The following ABCG1 variants were observed in gnomAD, a reference collection of about 807,000 sequenced individuals.
ABCG1 encodes the protein ATP-binding cassette sub-family G member 1.
Under a neutral mutation model 69.2 loss-of-function variants are expected in ABCG1, and 29 were observed. The observed-to-expected ratio is 0.42, with a 90% CI of 0.31 to 0.57. ABCG1 has a LOEUF of 0.57. ABCG1 is among the 20% of genes least tolerant of loss of function. ABCG1 has a pLI of 0.15. For missense variants in ABCG1, 718 were observed against 898.1 expected (o/e 0.80, Z 2.56); for synonymous variants, 370 against 374.8 (o/e 0.99, Z 0.15).
chr21:42,209,740 G>A (rs2067571627), intron 2 of ABCG1, among the ~76,000 whole-genome samples: 2 of 152,236 alleles, frequency 1.3e-5, no homozygotes, highest in East Asian at 3.8e-4. Flanking sequence ...GTGAGCACCA[G>A]CATTTATAAG....
rs560207342 is a variant in ABCG1, at chr21:42,296,106, G to C, written c.1773-58G>C. On this transcript the variant is annotated intron_variant, in intron 14 of 14. Coordinates refer to ENST00000398449, the MANE Select transcript of ABCG1 (RefSeq NM_016818.3). This position sits in a 1 kb window ranked among gnomAD's most constrained non-coding sequence, Gnocchi z 5.4. ...GGAGGGTGAACGACATTGACCTTCA[G>C]CCAACGGCGTGGCTGGCTGGGAGAA... The C allele has an allele frequency of 2.5e-4, 372 of 1,492,780 alleles. 5 individuals carry two copies. In the South Asian group the frequency reaches 3.9e-3, roughly 16 times the overall value. 92.5% of individuals were successfully genotyped at this position (1,492,780 alleles called of 1,614,324 possible). A position where few individuals can be genotyped will look rare whatever the true frequency, so the allele number is the denominator to read the frequency against.
chr21:42,290,859 T>C (rs1258940499), intron 11 of ABCG1, among the ~76,000 whole-genome samples: 2 of 152,214 alleles, frequency 1.3e-5, no homozygotes, highest in Admixed American at 6.5e-5. Flanking sequence ...GATGATGCTT[T>C]GTATTCACAG....
chr21:42,277,076 G>T, intron 5 of ABCG1, 131 bp downstream of exon 5: 1 of 947,694 alleles, frequency 1.1e-6, no homozygotes, highest in Non-Finnish European at 1.7e-6. Context: ...TTCCGTGTGT[G>T]GGACAGGCAA....
intron 2 of ABCG1, among the ~76,000 whole-genome samples, chr21:42,230,726 C>G (rs1441040716): frequency 6.6e-6 from 1 of 152,182 alleles, no homozygotes; most frequent in Non-Finnish European, 1.5e-5. Flanking sequence ...TGCTTGGGTA[C>G]TCGTACACTG....
intron 2 of ABCG1, among the ~76,000 whole-genome samples, chr21:42,248,494 T>G (rs2068167931): frequency 6.6e-6 from 1 of 152,204 alleles, no homozygotes; most frequent in Non-Finnish European, 1.5e-5. Flanking sequence ...GCACCCTCTG[T>G]GGCCCAGCAT....
At chr21:42,228,834 C>T (rs553517319) in intron 2 of ABCG1, among the ~76,000 whole-genome samples, 2 of 152,360 alleles carry the variant, frequency 1.3e-5, no homozygotes, top group African/African-American at 4.8e-5. Flanking sequence ...TGTCCCAACA[C>T]CAGCCTGTTC....
chr21:42,243,511 T>C (rs2068086213), intron 2 of ABCG1, among the ~76,000 whole-genome samples: 1 of 150,700 alleles, frequency 6.6e-6, no homozygotes, highest in Non-Finnish European at 1.5e-5. Flanking sequence ...TAATATCACC[T>C]GGGCGGGATA....
At chr21:42,262,865 A>G (rs891003939) in intron 2 of ABCG1, among the ~76,000 whole-genome samples, 10 of 152,252 alleles carry the variant, frequency 6.6e-5, no homozygotes, top group Non-Finnish European at 1.2e-4. Flanking sequence ...GCGGAGTGAC[A>G]GGAGCAAGGC....
At position 42,229,719 on chromosome 21, in the gene ABCG1, C is replaced by CA. The variant is rs111626580; in HGVS notation, c.286+3815dup. ...CAGGTGACAGTGTGAGACTCTGTCT[C>CA]AAAAAAAAAACACAAAAACAAAAGA... On this transcript the variant is annotated intron_variant, in intron 2 of 14. Transcript: ENST00000398449. Among the ~76,000 whole-genome samples, 566 of 143,652 alleles carry CA rather than the reference C, an allele frequency of 3.9e-3. 1 individual carries two copies. The highest frequency in any genetic ancestry group is 5.2e-3 in the Admixed American group (74 of 14,328). 94.2% of individuals were successfully genotyped at this position (143,652 alleles called of 152,430 possible).
rs4148113 is a variant in ABCG1 at position 42,230,940 on chromosome 21, G to A, written c.286+5026G>A. ...CAGAACCAGGTCTGTGGGATTTCAGGCCAAAAAGGAGCGTAGCAAGTGCTT... is the reference window on the plus strand; with the variant it reads ...CAGAACCAGGTCTGTGGGATTTCAGACCAAAAAGGAGCGTAGCAAGTGCTT... On this transcript the variant is annotated intron_variant, in intron 2 of 14. Transcript: ENST00000398449. Among the ~76,000 whole-genome samples the A allele has an allele frequency of 2.0e-3, 310 of 152,320 alleles. 5 individuals are homozygous for A. In the East Asian group the frequency reaches 0.026, roughly 13 times the overall value.
rs1001858400 is a variant in ABCG1 at position 42,238,573 on chromosome 21, C to T, written c.286+12659C>T. Among the ~76,000 whole-genome samples the T allele has an allele frequency of 2.6e-5, 4 of 152,186 alleles. No homozygotes were observed. In the South Asian group the frequency reaches 6.2e-4, roughly 24 times the overall value. ...CAAGTACTTTCAGATCGCTGGATGA[C>T]AAGCTTTGCATCTTTGAACTATTTA... On this transcript the variant is annotated intron_variant, in intron 2 of 14. Coordinates refer to ENST00000398449, the MANE Select transcript of ABCG1 (RefSeq NM_016818.3).
chr21:42,231,649 GTGCTAGTGACT>G (rs1213197002), intron 2 of ABCG1, among the ~76,000 whole-genome samples: 1 of 152,246 alleles, frequency 6.6e-6, no homozygotes, highest in African/African-American at 2.4e-5. Context: ...TTCCAACCAA[GTGCTAGTGACT>G]TGATCCAACC....
intron 5 of ABCG1, among the ~76,000 whole-genome samples, chr21:42,278,425 G>A (rs1008265545): frequency 5.9e-5 from 9 of 152,352 alleles, no homozygotes; most frequent in Admixed American, 6.5e-5. Flanking sequence ...AGAAATGGCT[G>A]TATTTGAAGA....
At chr21:42,245,097 G>T (rs1489787878) in intron 2 of ABCG1, among the ~76,000 whole-genome samples, 1 of 152,188 alleles carries the variant, frequency 6.6e-6, no homozygotes, top group African/African-American at 2.4e-5. Context: ...GAGGAGTGGT[G>T]TTTGCCAGAC....
Position 42,296,980 on chromosome 21 carries a change from T to G in ABCG1, c.*588T>G, listed in dbSNP as rs1201222997. 1 of 160,004 alleles carries G rather than the reference T, an allele frequency of 6.2e-6. No individual in the cohort carries two copies. Among genetic ancestry groups the G allele is most frequent in the Non-Finnish European group, 1.4e-5 (1 of 71,620 alleles). The allele number at this position is 160,004 out of a possible 1,614,324, so 9.9% of individuals were successfully genotyped here. A position where few individuals can be genotyped will look rare whatever the true frequency, so the allele number is the denominator to read the frequency against. On this transcript the variant is annotated 3_prime_UTR_variant, in exon 15 of 15. Coordinates refer to ENST00000398449, the MANE Select transcript of ABCG1 (RefSeq NM_016818.3). The surrounding 1 kb of genome is among the most constrained non-coding windows in gnomAD (Gnocchi z 5.4). ...TTTTTAGTACTTGCTGAAGAATGAT[T>G]CAGGGTAAATCACATACTTTGTTTA...
chr21:42,285,916 G>T lies in ABCG1; in HGVS notation c.895G>T (p.Gly299Ter). Residue 299 changes from glycine to a stop codon, truncating the protein, a stop_gained, in exon 8 of 15, where the codon GGA becomes TGA. Transcript: ENST00000398449. LOFTEE classifies it high-confidence loss of function. ...GAGTCAAGGACAATGTGTGTACCGG[G>T]GAAAAGTCTGCAATCTTGTGCCATA... ...VLSQGQCVYRGKVCNLVPYLR... is the reference protein window; with the variant it reads ...VLSQGQCVYR The T allele has an allele frequency of 6.2e-7, 1 of 1,614,034 alleles. No homozygotes were observed. The highest frequency in any genetic ancestry group is 8.5e-7 in the Non-Finnish European group (1 of 1,179,996).
chr21:42,244,295 C>G (rs925971854), intron 2 of ABCG1, among the ~76,000 whole-genome samples: 2 of 152,156 alleles, frequency 1.3e-5, no homozygotes, highest in Non-Finnish European at 2.9e-5. Context: ...CCCTGAACTT[C>G]CTTCGTCCCC....
chr21:42,219,227 CG>C lies in ABCG1; in HGVS notation c.-35del. On this transcript the variant is annotated 5_prime_UTR_variant, in exon 1 of 15. Transcript: ENST00000398449. The surrounding 1 kb of genome is among the most constrained non-coding windows in gnomAD (Gnocchi z 5.3). ...CCCGCAGCTCAAGCCTCGTCCCCGCCGCCGCCGCCGCCGCCGCCGCCGCCGC... is the reference window on the plus strand; with the variant it reads ...CCCGCAGCTCAAGCCTCGTCCCCGCCCCGCCGCCGCCGCCGCCGCCGCCGC... The C allele has an allele frequency of 9.2e-7, 1 of 1,089,450 alleles. No homozygotes were observed. Among genetic ancestry groups the C allele is most frequent in the Non-Finnish European group, 1.2e-6 (1 of 838,000 alleles). The allele number at this position is 1,089,450 out of a possible 1,614,324, so 67.5% of individuals were successfully genotyped here. A position where few individuals can be genotyped will look rare whatever the true frequency, so the allele number is the denominator to read the frequency against.
At chr21:42,224,585 A>G (rs545220434) in intron 1 of ABCG1, among the ~76,000 whole-genome samples, 26 of 152,316 alleles carry the variant, frequency 1.7e-4, no homozygotes, top group African/African-American at 5.8e-4. Flanking sequence ...GCCACACAAT[A>G]TTATAGTGCA....
Sources: gnomAD v4.1 joint callset for allele counts (sites outside exome capture counted in the v4.1 genomes callset) on GRCh38, gnomAD v4.1.1 for gene constraint, Gnocchi (gnomAD v3.1) non-coding constraint, MANE v1.5 for transcripts, NCBI Gene and HGNC (gene_info 2026-07-23, HGNC 2026-07-21) for gene names.